The following HEPACAM2 variants were observed in gnomAD, a reference collection of about 807,000 sequenced individuals.
HEPACAM2 encodes mitotic kinetics regulator.
HEPACAM2 carries 49 observed loss-of-function variants against 49.6 expected under a neutral mutation model. That is an observed-to-expected ratio of 0.99 (90% confidence interval 0.78 to 1.25). The LOEUF is 1.25. Among genes scored for constraint, HEPACAM2 ranks in the 50% most tolerant of loss-of-function variants. HEPACAM2 has a pLI of 0.00. For synonymous variants in HEPACAM2, 197 were observed against 202.9 expected (o/e 0.97, Z 0.25); for missense variants, 525 against 557.2 (o/e 0.94, Z 0.58).
chr7:93,199,083 A>G (rs954132275), intron 4 of HEPACAM2, among the ~76,000 whole-genome samples: 3 of 152,082 alleles, frequency 2.0e-5, no homozygotes, highest in African/African-American at 7.2e-5. Context: ...GAGTTCGACA[A>G]GGTTGTTTTT....
upstream of HEPACAM2, among the ~76,000 whole-genome samples, chr7:93,227,615 G>A (rs578087265): frequency 1.3e-5 from 2 of 152,232 alleles, no homozygotes; most frequent in South Asian, 2.1e-4. Flanking sequence ...TTGGGAAAAC[G>A]AAGTCCTCTT....
At chr7:93,231,605 A>G in the HEPACAM2 span, among the ~76,000 whole-genome samples, 1 of 152,152 alleles carries the variant, frequency 6.6e-6, no homozygotes, top group Non-Finnish European at 1.5e-5. Context: ...TCATATTCTC[A>G]TAATTGTAAA....
chr7:93,210,304 G>C (rs1431122222), intron 3 of HEPACAM2, among the ~76,000 whole-genome samples: 1 of 151,808 alleles, frequency 6.6e-6, no homozygotes, highest in African/African-American at 2.4e-5. Flanking sequence ...ACCACCATGA[G>C]GTAGATGTTA....
rs1367355651 is a variant in HEPACAM2 at position 93,219,211 on chromosome 7, A to G, written c.320T>C (p.Leu107Pro). The G allele has an allele frequency of 6.2e-7, 1 of 1,613,906 alleles. No individual in the cohort carries two copies. Among genetic ancestry groups the G allele is most frequent in the African/African-American group, 1.3e-5 (1 of 74,916 alleles). Residue 107 changes from leucine (L) to proline (P), a missense_variant, in exon 2 of 10, where the codon CTG becomes CCG. By Grantham distance (98) the Leu-to-Pro change is moderately conservative. Coordinates refer to ENST00000394468, the MANE Select transcript of HEPACAM2 (RefSeq NM_001039372.4). ...AGGGAACTGCAGTGGGTTGATAAGC[A>G]GAGATGCATTGGGTGGCATCATGGT... ...KFTMMPPNASLLINPLQFPDE... is the reference protein window; with the variant it reads ...KFTMMPPNASPLINPLQFPDE...
intron 1 of HEPACAM2, among the ~76,000 whole-genome samples, chr7:93,224,748 T>C (rs1177755535): frequency 6.6e-6 from 1 of 152,238 alleles, no homozygotes; most frequent in Non-Finnish European, 1.5e-5. Context: ...TTTACTTCCC[T>C]GTTATCATGT....
At chr7:93,201,184 C>T (rs1793873073) in intron 4 of HEPACAM2, among the ~76,000 whole-genome samples, 1 of 152,008 alleles carries the variant, frequency 6.6e-6, no homozygotes, top group Non-Finnish European at 1.5e-5. Context: ...TATAGCTATG[C>T]TAGCTTTCTT....
intron 3 of HEPACAM2, among the ~76,000 whole-genome samples, chr7:93,210,120 TCTC>T (rs1456526501): frequency 6.6e-6 from 1 of 151,940 alleles, no homozygotes; most frequent in Non-Finnish European, 1.5e-5. Context: ...AAAAAATTCT[TCTC>T]CTAGATAGGT....
chr7:93,212,310 A>T (rs1210820970), intron 3 of HEPACAM2, among the ~76,000 whole-genome samples: 1 of 151,834 alleles, frequency 6.6e-6, no homozygotes, highest in Non-Finnish European at 1.5e-5. Context: ...GATTGGCATA[A>T]TTTTTTCTCT....
At chr7:93,231,795 T>C in the HEPACAM2 span, among the ~76,000 whole-genome samples, 1,140 of 152,204 alleles carry the variant, frequency 7.5e-3, 11 homozygotes, top group African/African-American at 0.025. Context: ...ATCCTTCGAT[T>C]TTAGAGCTTT....
intron 4 of HEPACAM2, among the ~76,000 whole-genome samples, chr7:93,201,398 C>G (rs1399950226): frequency 1.3e-5 from 2 of 151,978 alleles, no homozygotes; most frequent in Non-Finnish European, 2.9e-5. Context: ...TTTGCTCTCT[C>G]CTTTCTTGTC....
Sources: gnomAD v4.1 joint callset for allele counts (sites outside exome capture counted in the v4.1 genomes callset) on GRCh38, gnomAD v4.1.1 for gene constraint, MANE v1.5 for transcripts, NCBI Gene and HGNC (gene_info 2026-07-23, HGNC 2026-07-21) for gene names.